The following TMEM177 variants were observed in gnomAD, a reference collection of about 807,000 sequenced individuals.
TMEM177 encodes the protein transmembrane protein 177.
In TMEM177, 4 loss-of-function variants were observed where a neutral mutation model predicts 14.2. The ratio of observed to expected loss-of-function variants is 0.28; its 90% confidence interval spans 0.14 to 0.64. The LOEUF (loss-of-function observed/expected upper bound fraction) is 0.64, where lower values mean the gene tolerates loss of function less well. Among genes scored for constraint, TMEM177 ranks in the 30% least tolerant of loss-of-function variants. The probability of loss-of-function intolerance (pLI) is 0.82; values close to 1 mark genes in which losing one functional copy is unlikely to be tolerated. For missense variants in TMEM177, 344 were observed against 405.2 expected (o/e 0.85, Z 1.30); for synonymous variants, 179 against 174.5 (o/e 1.03, Z -0.20).
chr2:119,698,663 C>T, the TMEM177 span: 1 of 176,500 alleles, frequency 5.7e-6, no homozygotes, highest in Non-Finnish European at 1.2e-5. Context: ...CCTACTAAAT[C>T]TTGCAAATCA....
At chr2:119,684,527 T>C (rs966529344), downstream of TMEM177, among the ~76,000 whole-genome samples, 3 of 74,240 alleles carry the variant, frequency 4.0e-5, no homozygotes. Flanking sequence ...ATTGAGGCTC[T>C]CCATAATATT....
chr2:119,685,535 C>T, downstream of TMEM177: 2 of 646,228 alleles, frequency 3.1e-6, no homozygotes, highest in Non-Finnish European at 5.6e-6. Flanking sequence ...CCACCATGTC[C>T]CTATAGTAAC....
Position 119,681,920 on chromosome 2 carries a change from T to C in TMEM177, c.*131T>C. 1 of 754,672 alleles carries C rather than the reference T, an allele frequency of 1.3e-6. No individual in the cohort carries two copies. 46.7% of individuals were successfully genotyped at this position (754,672 alleles called of 1,614,324 possible). ...TCACTGGCTTTGGAATTAAATAGCT[T>C]AGATTGTACTATAACCACTACTTAT... is the stretch of plus-strand genomic sequence containing the variant. On this transcript the variant is annotated 3_prime_UTR_variant, in exon 2 of 2. Coordinates refer to ENST00000272521, the MANE Select transcript of TMEM177 (RefSeq NM_030577.3).
the TMEM177 span, among the ~76,000 whole-genome samples, chr2:119,716,691 T>G: frequency 6.6e-6 from 1 of 152,178 alleles, no homozygotes; most frequent in Non-Finnish European, 1.5e-5. Context: ...AGGCAATTAG[T>G]CAGATCCAGA....
the TMEM177 span, among the ~76,000 whole-genome samples, chr2:119,698,364 C>T: frequency 1.3e-5 from 2 of 152,154 alleles, no homozygotes; most frequent in African/African-American, 2.4e-5. Context: ...GTTCTGAGAC[C>T]GCTTCTAAGG....
chr2:119,694,170 AAC>A, the TMEM177 span, among the ~76,000 whole-genome samples: 1 of 147,306 alleles, frequency 6.8e-6, no homozygotes, highest in East Asian at 2.1e-4. Context: ...CGTGCCACAC[AAC>A]ACACAAACAC....
the TMEM177 span, among the ~76,000 whole-genome samples, chr2:119,697,817 T>G: frequency 1.5e-4 from 23 of 152,116 alleles, no homozygotes; most frequent in Admixed American, 1.5e-3. Context: ...GAACCGATAC[T>G]AGACAGATTA....
the TMEM177 span, among the ~76,000 whole-genome samples, chr2:119,708,798 C>G: frequency 3.8e-4 from 58 of 152,296 alleles, no homozygotes; most frequent in African/African-American, 1.4e-3. Flanking sequence ...ACACCCTCTC[C>G]TCCCTTCTCT....
At chr2:119,716,844 TA>T in the TMEM177 span, among the ~76,000 whole-genome samples, 1 of 152,224 alleles carries the variant, frequency 6.6e-6, no homozygotes, top group African/African-American at 2.4e-5. Context: ...CACTTTCTCG[TA>T]AGTACATTTT....
the TMEM177 span, among the ~76,000 whole-genome samples, chr2:119,709,252 TC>T: frequency 6.6e-6 from 1 of 152,160 alleles, no homozygotes; most frequent in Non-Finnish European, 1.5e-5. Context: ...GGCTCTGAGG[TC>T]AGTGCAGTCG....
chr2:119,694,279 A>G, the TMEM177 span, among the ~76,000 whole-genome samples: 1 of 69,458 alleles, frequency 1.4e-5, no homozygotes, highest in Admixed American at 1.4e-4. Flanking sequence ...TGTGTGGTAT[A>G]CCACACACAC....
At chr2:119,710,832 G>A in the TMEM177 span, among the ~76,000 whole-genome samples, 4 of 151,502 alleles carry the variant, frequency 2.6e-5, no homozygotes, top group Admixed American at 6.6e-5. Flanking sequence ...GGATGGTCTC[G>A]ATCTCCTGAC....
chr2:119,680,760 TG>T, intron 1 of TMEM177, 71 bp from the exon 2 acceptor site: 1 of 1,241,670 alleles, frequency 8.1e-7, no homozygotes, highest in Non-Finnish European at 1.1e-6. Flanking sequence ...AAAGGTGGTG[TG>T]GACCCTGGAG....
At chr2:119,712,032 G>A in the TMEM177 span, among the ~76,000 whole-genome samples, 1 of 152,040 alleles carries the variant, frequency 6.6e-6, no homozygotes, top group Admixed American at 6.6e-5. Context: ...CCAGAGCCTG[G>A]GGGTTGAGAA....
Position 119,681,614 on chromosome 2 carries a change from T to C in TMEM177, c.761T>C (p.Leu254Pro). ...CGGVEFYEKL[L>P]SGNLALRSLL... ...GGAGTGGAGTTCTATGAGAAGCTTC[T>C]GTCGGGCAACCTGGCCCTGCGCAGT... Residue 254 changes from leucine to proline, a missense_variant, in exon 2 of 2, where the codon CTG becomes CCG. Leu to Pro is a moderately conservative substitution (Grantham distance 98). Coordinates refer to ENST00000272521, the MANE Select transcript of TMEM177 (RefSeq NM_030577.3). 1.9e-6 allele frequency: 3 copies of C among 1,614,256 alleles called. No individual in the cohort carries two copies. Among genetic ancestry groups the C allele is most frequent in the Non-Finnish European group, 1.7e-6 (2 of 1,180,048 alleles).
At chr2:119,712,149 A>G in the TMEM177 span, among the ~76,000 whole-genome samples, 1 of 151,912 alleles carries the variant, frequency 6.6e-6, no homozygotes, top group African/African-American at 2.4e-5. Flanking sequence ...GATATGTGGT[A>G]TGGCCTGGGG....
chr2:119,712,052 G>A, the TMEM177 span, among the ~76,000 whole-genome samples: 2 of 151,988 alleles, frequency 1.3e-5, no homozygotes, highest in African/African-American at 4.8e-5. Context: ...ACAAGAAAAA[G>A]GTGGAGCAGC....
downstream of TMEM177, among the ~76,000 whole-genome samples, chr2:119,683,315 C>T (rs545317809): frequency 4.2e-4 from 64 of 152,290 alleles, no homozygotes; most frequent in African/African-American, 1.4e-3. Context: ...GCACTGGGCA[C>T]GGGCTTGGAA....
the TMEM177 span, among the ~76,000 whole-genome samples, chr2:119,704,976 T>C: frequency 6.6e-6 from 1 of 152,266 alleles, no homozygotes; most frequent in African/African-American, 2.4e-5. Context: ...GAAGGGAAAG[T>C]TGCGGCTCTG....
Sources: allele counts gnomAD v4.1 joint callset (sites outside exome capture counted in the v4.1 genomes callset), GRCh38; gene constraint gnomAD v4.1.1; transcripts MANE v1.5; gene names NCBI Gene and HGNC (gene_info 2026-07-23, HGNC 2026-07-21).